Variants in HLF observed in about 807,000 individuals in gnomAD.
HLF encodes hepatic leukemia factor.
In HLF, 3 loss-of-function variants were observed where a neutral mutation model predicts 22.6. The ratio of observed to expected loss-of-function variants is 0.13; its 90% CI spans 0.06 to 0.34. HLF has a LOEUF of 0.34. HLF is among the 10% of genes least tolerant of loss of function. HLF has a pLI of 1.00. For missense variants in HLF, 299 were observed against 389.2 expected, an observed-to-expected ratio of 0.77 and a Z score of 1.95; for synonymous variants, 151 against 151.8, an observed-to-expected ratio of 0.99 and a Z score of 0.04.
intron 2 of HLF, among the ~76,000 whole-genome samples, chr17:55,278,910 T>C (rs2080929453): frequency 6.6e-6 from 1 of 152,176 alleles, no homozygotes. Context: ...GAAAGATTTA[T>C]AGAGGAAAGA....
chr17:55,292,272 G>A (rs2081070509), intron 2 of HLF, among the ~76,000 whole-genome samples: 1 of 152,188 alleles, frequency 6.6e-6, no homozygotes, highest in Non-Finnish European at 1.5e-5. Context: ...GAAAGGAAGA[G>A]TCAATTGATG....
chr17:55,315,244 A>C lies in HLF; in HGVS notation c.469A>C (p.Asn157His). Residue 157 changes from asparagine (N) to histidine (H), a missense_variant, in exon 3 of 4, where the codon AAC (asparagine) becomes CAC (histidine). Physicochemically the swap from Asn to His is moderately conservative, Grantham distance 68 (BLOSUM62 1). Transcript: ENST00000226067. ...PIRPGQLLPA[N>H]RNTPSPIDPD... ...TGTTCCAGGTCAGCTGTTGCCAGCA[A>C]ACCGCAATACACCAAGTCCCATTGA... The C allele has an allele frequency of 6.2e-7, 1 of 1,614,168 alleles. No individual in the cohort carries two copies. The highest frequency in any genetic ancestry group is 8.5e-7 in the Non-Finnish European group (1 of 1,179,992).
intron 2 of HLF, among the ~76,000 whole-genome samples, chr17:55,309,340 C>T (rs139974536): frequency 2.0e-5 from 3 of 152,310 alleles, no homozygotes; most frequent in South Asian, 2.1e-4. Flanking sequence ...GAGCACTCTT[C>T]GTTGACCTTA....
chr17:55,296,289 A>T (rs2081111140), intron 2 of HLF, among the ~76,000 whole-genome samples: 1 of 152,186 alleles, frequency 6.6e-6, no homozygotes, highest in East Asian at 1.9e-4. Flanking sequence ...TGATTTTTTT[A>T]AAAGAAATTT....
intron 3 of HLF, among the ~76,000 whole-genome samples, chr17:55,316,356 C>T (rs1395929675): frequency 6.6e-6 from 1 of 152,190 alleles, no homozygotes; most frequent in Non-Finnish European, 1.5e-5. Flanking sequence ...TCTCTCAAAC[C>T]TAACTATTGT....
intron 2 of HLF, among the ~76,000 whole-genome samples, chr17:55,274,726 T>C (rs539882878): frequency 7.4e-4 from 113 of 152,342 alleles, no homozygotes; most frequent in African/African-American, 2.3e-3. Flanking sequence ...GGAATAATCA[T>C]TGGACCTGCC....
intron 2 of HLF, chr17:55,288,871 T>C: frequency 1.0e-6 from 1 of 980,732 alleles, no homozygotes; most frequent in Non-Finnish European, 1.2e-6. Context: ...TTTCCACCCT[T>C]TAATCACAGA....
chr17:55,302,279 G>C (rs1904332990), intron 2 of HLF, among the ~76,000 whole-genome samples: 1 of 152,236 alleles, frequency 6.6e-6, no homozygotes, highest in South Asian at 2.1e-4. Context: ...AACGTTAGTG[G>C]AAGAGATTAC....
chr17:55,289,057 TC>T, intron 2 of HLF: 4 of 368,718 alleles, frequency 1.1e-5, no homozygotes, highest in South Asian at 1.1e-4. Flanking sequence ...TAAAAAAACA[TC>T]AACTTATGTT....
intron 2 of HLF, among the ~76,000 whole-genome samples, chr17:55,298,593 A>G (rs989254655): frequency 5.9e-5 from 9 of 152,174 alleles, no homozygotes; most frequent in Admixed American, 3.3e-4. Flanking sequence ...TATTTCTAAG[A>G]AATTGTCTGG....
intron 2 of HLF, among the ~76,000 whole-genome samples, chr17:55,296,392 C>T (rs1031605692): frequency 1.3e-4 from 20 of 152,176 alleles, no homozygotes; most frequent in African/African-American, 4.6e-4. Flanking sequence ...CCAGATTTAA[C>T]TGTCCACAGT....
At chr17:55,283,203 A>T (rs2080969718) in intron 2 of HLF, among the ~76,000 whole-genome samples, 1 of 151,966 alleles carries the variant, frequency 6.6e-6, no homozygotes, top group Non-Finnish European at 1.5e-5. Flanking sequence ...CTTTTCTAGG[A>T]GGACAGTGGC....
chr17:55,277,797 C>T (rs1434589553), intron 2 of HLF, among the ~76,000 whole-genome samples: 1 of 152,174 alleles, frequency 6.6e-6, no homozygotes, highest in Non-Finnish European at 1.5e-5. Context: ...TCACCTCCAG[C>T]TACATAGAGT....
In HLF at chr17:55,322,330, G is replaced by A. The variant is rs1905288184; in HGVS notation, c.*1451G>A. On this transcript the variant is annotated 3_prime_UTR_variant, in exon 4 of 4. Coordinates refer to ENST00000226067, the MANE Select transcript of HLF (RefSeq NM_002126.5). Reference sequence around the variant, plus strand: ...GAGTAATTATAGGAAGTTCTTTTTTGTACAGTATTTTTCAGATATAAATAC... The same window carrying A: ...GAGTAATTATAGGAAGTTCTTTTTTATACAGTATTTTTCAGATATAAATAC... The A allele has an allele frequency of 5.2e-6, 1 of 191,918 alleles. No individual in the cohort carries two copies. Among genetic ancestry groups the A allele is most frequent in the Non-Finnish European group, 1.1e-5 (1 of 91,518 alleles). The allele number at this position is 191,918 out of a possible 1,614,324, so 11.9% of individuals were successfully genotyped here.
At chr17:55,293,420 AC>A (rs1417153266) in intron 2 of HLF, among the ~76,000 whole-genome samples, 2 of 152,118 alleles carry the variant, frequency 1.3e-5, no homozygotes, top group African/African-American at 4.8e-5. Context: ...AGTCCTGAGA[AC>A]CGGGCAGTCA....
chr17:55,266,003 G>A (rs1268324983), intron 1 of HLF: 5 of 240,518 alleles, frequency 2.1e-5, no homozygotes, highest in Non-Finnish European at 3.5e-5. Context: ...GTGCGGGGCA[G>A]GGGGCGGGGG....
chr17:55,265,978 C>A, intron 1 of HLF: 1 of 408,294 alleles, frequency 2.4e-6, no homozygotes, highest in Non-Finnish European at 3.4e-6. Context: ...AGGAGAAACC[C>A]TGGGGCCTGG....
intron 2 of HLF, among the ~76,000 whole-genome samples, chr17:55,289,544 A>G (rs1598397041): frequency 6.6e-6 from 1 of 152,238 alleles, no homozygotes; most frequent in African/African-American, 2.4e-5. Flanking sequence ...GTGAGATAGC[A>G]GAGTTCTCTG....
chr17:55,291,642 C>A (rs1490462947), intron 2 of HLF, among the ~76,000 whole-genome samples: 1 of 152,198 alleles, frequency 6.6e-6, no homozygotes, highest in African/African-American at 2.4e-5. Flanking sequence ...CACATTTATT[C>A]TTCAGCCTAT....
Sources: allele counts gnomAD v4.1 joint callset (sites outside exome capture counted in the v4.1 genomes callset), GRCh38; gene constraint gnomAD v4.1.1; transcripts MANE v1.5; gene names NCBI Gene and HGNC (gene_info 2026-07-23, HGNC 2026-07-21).